Variants in GUCY1A2 observed in about 807,000 individuals in gnomAD.
GUCY1A2 encodes the protein guanylate cyclase 1 soluble subunit alpha 2.
GUCY1A2 carries 27 observed loss-of-function variants against 63.5 expected under a neutral mutation model. The ratio of observed to expected loss-of-function variants is 0.43; its 90% confidence interval spans 0.31 to 0.59. The LOEUF (loss-of-function observed/expected upper bound fraction) is 0.59, where lower values mean the gene tolerates loss of function less well. GUCY1A2 is among the 20% of genes least tolerant of loss of function. The pLI, the probability that GUCY1A2 is intolerant of heterozygous loss-of-function variation, is 0.11. For missense variants in GUCY1A2, 768 were observed against 913.3 expected (o/e 0.84, Z 2.05); for synonymous variants, 364 against 343.5 (o/e 1.06, Z -0.66).
At chr11:106,841,077 T>C (rs1324236612) in intron 4 of GUCY1A2, among the ~76,000 whole-genome samples, 1 of 151,882 alleles carries the variant, frequency 6.6e-6, no homozygotes, top group Non-Finnish European at 1.5e-5. Flanking sequence ...TACTTTCTGC[T>C]CCAGTTATAA....
chr11:106,876,651 A>T (rs1339446790), intron 4 of GUCY1A2, among the ~76,000 whole-genome samples: 3 of 152,126 alleles, frequency 2.0e-5, no homozygotes, highest in African/African-American at 7.2e-5. Context: ...ACTGCATTAA[A>T]TCTAAATCTC....
intron 5 of GUCY1A2, among the ~76,000 whole-genome samples, chr11:106,777,582 G>A (rs528464067): frequency 1.4e-4 from 21 of 151,078 alleles, no homozygotes; most frequent in Middle Eastern, 6.9e-3. Flanking sequence ...ACACAGGAAC[G>A]GAAAACCAAA....
intron 6 of GUCY1A2, among the ~76,000 whole-genome samples, chr11:106,720,438 G>A (rs1863296530): frequency 6.6e-6 from 1 of 152,116 alleles, no homozygotes; most frequent in Admixed American, 6.6e-5. Flanking sequence ...GGTGTCATAG[G>A]CTTTGGAATC....
At chr11:106,804,218 T>C (rs1858648880) in intron 5 of GUCY1A2, among the ~76,000 whole-genome samples, 1 of 152,222 alleles carries the variant, frequency 6.6e-6, no homozygotes, top group African/African-American at 2.4e-5. Context: ...TAGAAAACAT[T>C]GTTGCTTTGT....
intron 1 of GUCY1A2, among the ~76,000 whole-genome samples, chr11:106,994,964 G>C (rs1178505275): frequency 6.6e-6 from 1 of 152,088 alleles, no homozygotes; most frequent in African/African-American, 2.4e-5. Flanking sequence ...TTGCTTCACT[G>C]GTCACCATCA....
At chr11:106,924,365 C>A (rs1431385155) in intron 4 of GUCY1A2, among the ~76,000 whole-genome samples, 2 of 152,140 alleles carry the variant, frequency 1.3e-5, no homozygotes, top group Non-Finnish European at 2.9e-5. Flanking sequence ...CAAAATTGAT[C>A]CTAGACTCCA....
chr11:106,885,433 C>T (rs999978140), intron 4 of GUCY1A2, among the ~76,000 whole-genome samples: 1 of 152,172 alleles, frequency 6.6e-6, no homozygotes, highest in Non-Finnish European at 1.5e-5. Context: ...TACCACTGCT[C>T]AGGTGGGTGG....
At chr11:106,957,106 G>C (rs1860995981) in intron 3 of GUCY1A2, among the ~76,000 whole-genome samples, 1 of 152,194 alleles carries the variant, frequency 6.6e-6, no homozygotes, top group South Asian at 2.1e-4. Context: ...GACAAGTCTT[G>C]GGAGCAAGTC....
At chr11:106,948,351 G>A (rs1038844325) in intron 3 of GUCY1A2, among the ~76,000 whole-genome samples, 15 of 151,998 alleles carry the variant, frequency 9.9e-5, no homozygotes, top group African/African-American at 3.6e-4. Flanking sequence ...GACCAAGTAG[G>A]ATTTATATCA....
chr11:106,936,539 G>A, intron 4 of GUCY1A2: 1 of 551,782 alleles, frequency 1.8e-6, no homozygotes, highest in Non-Finnish European at 3.2e-6. Flanking sequence ...AAAGAAAATA[G>A]GGAGAGAGAA....
chr11:106,758,613 G>C (rs1426994940), intron 6 of GUCY1A2, among the ~76,000 whole-genome samples: 2 of 152,160 alleles, frequency 1.3e-5, no homozygotes, highest in African/African-American at 4.8e-5. Flanking sequence ...GACCACCACT[G>C]TTGCTATTCG....
At chr11:106,904,650 G>A (rs190872875) in intron 4 of GUCY1A2, among the ~76,000 whole-genome samples, 96 of 152,022 alleles carry the variant, frequency 6.3e-4, no homozygotes, top group Non-Finnish European at 1.1e-3. Flanking sequence ...TGAGGTAGAT[G>A]TTAAATGAAG....
intron 1 of GUCY1A2, among the ~76,000 whole-genome samples, chr11:106,990,543 G>T (rs1054749254): frequency 6.6e-6 from 1 of 152,248 alleles, no homozygotes. Context: ...ATGGTGCGGG[G>T]ATCAGGCAGG....
intron 4 of GUCY1A2, among the ~76,000 whole-genome samples, chr11:106,931,680 T>C (rs1245378783): frequency 6.6e-6 from 1 of 152,204 alleles, no homozygotes; most frequent in Non-Finnish European, 1.5e-5. Context: ...TGCTGATGCA[T>C]ACTACACTAC....
chr11:106,889,467 G>A (rs1225387916), intron 4 of GUCY1A2, among the ~76,000 whole-genome samples: 1 of 152,086 alleles, frequency 6.6e-6, no homozygotes, highest in Non-Finnish European at 1.5e-5. Flanking sequence ...CACGTCTCAA[G>A]CATTCCAAAA....
At chr11:106,724,731 A>G (rs561140238) in intron 6 of GUCY1A2, among the ~76,000 whole-genome samples, 1 of 152,248 alleles carries the variant, frequency 6.6e-6, no homozygotes, top group East Asian at 1.9e-4. Flanking sequence ...TCATATCTCT[A>G]TGTGTAAAAT....
intron 3 of GUCY1A2, among the ~76,000 whole-genome samples, chr11:106,972,322 C>A (rs1399873109): frequency 6.6e-6 from 1 of 152,130 alleles, no homozygotes; most frequent in Non-Finnish European, 1.5e-5. Flanking sequence ...TCTGTGCTAT[C>A]TTCACAGCTT....
chr11:106,745,646 T>C (rs1436328010), intron 6 of GUCY1A2, among the ~76,000 whole-genome samples: 1 of 152,358 alleles, frequency 6.6e-6, no homozygotes, highest in African/African-American at 2.4e-5. Context: ...ATACAATAGA[T>C]ATTCCATAAA....
intron 4 of GUCY1A2, among the ~76,000 whole-genome samples, chr11:106,924,661 A>G (rs1860496933): frequency 6.6e-6 from 1 of 152,190 alleles, no homozygotes; most frequent in African/African-American, 2.4e-5. Context: ...GTCAAATAAG[A>G]TAATACATAT....
Sources: allele counts gnomAD v4.1 joint callset (sites outside exome capture counted in the v4.1 genomes callset), GRCh38; gene constraint gnomAD v4.1.1; transcripts MANE v1.5; gene names NCBI Gene and HGNC (gene_info 2026-07-23, HGNC 2026-07-21).